The following PCDHA1 variants were observed in gnomAD, a reference collection of about 807,000 sequenced individuals.
The protein encoded by PCDHA1 is protocadherin alpha-1.
In PCDHA1, 42 loss-of-function variants were observed where a neutral mutation model predicts 61.3. The observed-to-expected ratio is 0.69, with a 90% CI of 0.54 to 0.89. The LOEUF (loss-of-function observed/expected upper bound fraction) is 0.89. Among genes scored for constraint, PCDHA1 ranks in the 40% least tolerant of loss-of-function variants. The pLI, the probability that PCDHA1 is intolerant of heterozygous loss-of-function variation, is 0.00. For synonymous variants in PCDHA1, 610 were observed against 553.8 expected, an observed-to-expected ratio of 1.10 and a Z score of -1.43; for missense variants, 1,256 against 1,235.3, an observed-to-expected ratio of 1.02 and a Z score of -0.25.
At chr5:140,892,950 C>G (rs553307667) in intron 1 of PCDHA1, among the ~76,000 whole-genome samples, 21 of 152,188 alleles carry the variant, frequency 1.4e-4, no homozygotes, top group Non-Finnish European at 2.9e-4. Context: ...AATACTACTT[C>G]CATGAGCTCA....
intron 1 of PCDHA1, chr5:140,830,028 G>A (rs2150179935): frequency 6.2e-7 from 1 of 1,613,878 alleles, no homozygotes; most frequent in Admixed American, 1.7e-5. Flanking sequence ...CCGCGCCACC[G>A]GCTGCTGGTG....
In PCDHA1 at chr5:140,795,134, A is replaced by C. The variant is rs148377577; in HGVS notation, c.2394+6450A>C. ...GCGCAGGACCTGGGGCTGGAGCTGG[A>C]GGAGCTGGTGCCGCGCCTGTTCCGG... is the stretch of plus-strand genomic sequence containing the variant. On this transcript the variant is annotated intron_variant, in intron 1 of 3. Transcript: ENST00000504120. 349 of 1,614,006 alleles carry C rather than the reference A, an allele frequency of 2.2e-4. 1 individual carries two copies. The African/African-American group carries it at 3.7e-3, about 17-fold the overall frequency.
intron 1 of PCDHA1, among the ~76,000 whole-genome samples, chr5:140,898,096 G>T (rs2066523889): frequency 6.6e-6 from 1 of 152,034 alleles, no homozygotes; most frequent in South Asian, 2.1e-4. Context: ...TTAGCCCTTT[G>T]TCAGATGAGT....
At chr5:140,877,030 C>G (rs1554169262) in intron 1 of PCDHA1, 5 of 1,612,300 alleles carry the variant, frequency 3.1e-6, no homozygotes, top group Non-Finnish European at 3.4e-6. Context: ...GGTGTACGCG[C>G]TGCAGCCGCT....
chr5:140,897,885 C>G (rs1554187646), intron 1 of PCDHA1, among the ~76,000 whole-genome samples: 1 of 152,182 alleles, frequency 6.6e-6, no homozygotes, highest in Non-Finnish European at 1.5e-5. Context: ...GCCATTCTAA[C>G]TGGTGTGAGA....
At chr5:140,995,267 C>T (rs552857413) in intron 3 of PCDHA1, among the ~76,000 whole-genome samples, 1 of 152,192 alleles carries the variant, frequency 6.6e-6, no homozygotes, top group Non-Finnish European at 1.5e-5. Context: ...GAATACAAGC[C>T]CTTTGATACC....
At chr5:140,953,058 C>T (rs1186621578) in intron 1 of PCDHA1, among the ~76,000 whole-genome samples, 1 of 152,202 alleles carries the variant, frequency 6.6e-6, no homozygotes, top group African/African-American at 2.4e-5. Flanking sequence ...TCACCTCTCA[C>T]AGGCCCCATC....
At chr5:140,877,947 G>A (rs1266600808) in intron 1 of PCDHA1, 2 of 1,351,230 alleles carry the variant, frequency 1.5e-6, no homozygotes, top group African/African-American at 1.5e-5. Context: ...TTAAACTATC[G>A]AATGTCTCAT....
At chr5:140,802,112 G>C in intron 1 of PCDHA1, 1 of 1,614,188 alleles carries the variant, frequency 6.2e-7, no homozygotes, top group Non-Finnish European at 8.5e-7. Flanking sequence ...TCAGTGTAAA[G>C]GGTAACATAG....
intron 1 of PCDHA1, chr5:140,803,666 AC>A: frequency 6.2e-7 from 1 of 1,603,076 alleles, no homozygotes; most frequent in Non-Finnish European, 8.5e-7. Flanking sequence ...CTCTGGAAAT[AC>A]ATTAATAGTT....
At chr5:140,796,869 T>C in intron 1 of PCDHA1, 1 of 1,614,070 alleles carries the variant, frequency 6.2e-7, no homozygotes, top group South Asian at 1.1e-5. Context: ...GCACGACACG[T>C]GCCCTAGACG....
At chr5:140,848,367 G>C in intron 1 of PCDHA1, 3 of 1,100,452 alleles carry the variant, frequency 2.7e-6, no homozygotes, top group Non-Finnish European at 4.0e-6. Context: ...TGGGAAAGAG[G>C]CTCAATTCTT....
At chr5:140,891,502 T>C (rs11748559) in intron 1 of PCDHA1, among the ~76,000 whole-genome samples, 18,999 of 152,020 alleles carry the variant, frequency 0.12, 1,247 homozygotes, top group Middle Eastern at 0.19. Context: ...TCCTCAGCTA[T>C]AATGTTCTCC....
chr5:140,906,824 G>A (rs2072970432), intron 1 of PCDHA1, among the ~76,000 whole-genome samples: 1 of 152,216 alleles, frequency 6.6e-6, no homozygotes, highest in African/African-American at 2.4e-5. Flanking sequence ...CTGTGGAGTA[G>A]TAGACTGATT....
chr5:140,956,540 G>C (rs1356910892), intron 1 of PCDHA1, among the ~76,000 whole-genome samples: 1 of 152,186 alleles, frequency 6.6e-6, no homozygotes, highest in Non-Finnish European at 1.5e-5. Context: ...TGTGCTGCTG[G>C]ATTTGGTTTG....
intron 1 of PCDHA1, among the ~76,000 whole-genome samples, chr5:140,838,075 ATAGT>A (rs1236223360): frequency 0.032 from 4,047 of 127,880 alleles, 62 homozygotes; most frequent in African/African-American, 0.052. Context: ...TTATATATAT[ATAGT>A]GTGTGTGTGT....
chr5:140,823,895 C>A, intron 1 of PCDHA1: 1 of 1,613,974 alleles, frequency 6.2e-7, no homozygotes. Context: ...TGTGCGGTGT[C>A]CAGCCTGCTG....
At chr5:140,925,800 C>T (rs1318763578) in intron 1 of PCDHA1, among the ~76,000 whole-genome samples, 5 of 152,070 alleles carry the variant, frequency 3.3e-5, no homozygotes, top group African/African-American at 1.2e-4. Context: ...AGTACTTTCC[C>T]CTCCACTTCT....
chr5:140,872,444 T>C (rs2053673560), intron 1 of PCDHA1, among the ~76,000 whole-genome samples: 2 of 152,002 alleles, frequency 1.3e-5, no homozygotes, highest in Admixed American at 1.3e-4. Flanking sequence ...CTGGACAACA[T>C]AGCGAGATCC....
Sources: gnomAD v4.1 joint callset for allele counts (sites outside exome capture counted in the v4.1 genomes callset) on GRCh38, gnomAD v4.1.1 for gene constraint, MANE v1.5 for transcripts, NCBI Gene and HGNC (gene_info 2026-07-23, HGNC 2026-07-21) for gene names.